AGBL1: variants seen among roughly 807,000 people sequenced by gnomAD.
The protein encoded by AGBL1 is AGBL carboxypeptidase 1.
AGBL1 carries 130 observed loss-of-function variants against 118.9 expected under a neutral mutation model. That is an observed-to-expected ratio of 1.09 (90% CI 0.95 to 1.26). The LOEUF (loss-of-function observed/expected upper bound fraction) is 1.26. Among genes scored for constraint, AGBL1 ranks in the 50% most tolerant of loss-of-function variants. The pLI, the probability that AGBL1 is intolerant of heterozygous loss-of-function variation, is 0.00. For synonymous variants in AGBL1, 555 were observed against 478.9 expected, an observed-to-expected ratio of 1.16 and a Z score of -2.08; for missense variants, 1,584 against 1,298.1, an observed-to-expected ratio of 1.22 and a Z score of -3.38.
At chr15:86,842,242 C>T (rs1328605537) in intron 22 of AGBL1, among the ~76,000 whole-genome samples, 1 of 151,160 alleles carries the variant, frequency 6.6e-6, no homozygotes, top group Non-Finnish European at 1.5e-5. Context: ...AGTGCAACTT[C>T]ACCTGCCTTG....
intron 18 of AGBL1, among the ~76,000 whole-genome samples, chr15:86,407,462 T>C (rs1169901565): frequency 6.6e-6 from 1 of 152,170 alleles, no homozygotes; most frequent in African/African-American, 2.4e-5. Flanking sequence ...AAGTGCCCAA[T>C]ATATGTCTTG....
At chr15:86,962,642 T>C (rs1216290015) in intron 23 of AGBL1, among the ~76,000 whole-genome samples, 1 of 152,038 alleles carries the variant, frequency 6.6e-6, no homozygotes, top group Non-Finnish European at 1.5e-5. Context: ...GAATATAAGA[T>C]TTACACCAGA....
At chr15:86,625,602 A>C (rs1428976000) in intron 21 of AGBL1, among the ~76,000 whole-genome samples, 3 of 151,984 alleles carry the variant, frequency 2.0e-5, no homozygotes, top group South Asian at 4.2e-4. Context: ...AATATATTTG[A>C]ATAAGTCTCA....
intron 22 of AGBL1, among the ~76,000 whole-genome samples, chr15:86,719,846 T>A (rs1050213487): frequency 2.0e-5 from 3 of 152,188 alleles, no homozygotes; most frequent in African/African-American, 7.2e-5. Context: ...TTTAGCAAGG[T>A]GGGAGGATGA....
intron 6 of AGBL1, among the ~76,000 whole-genome samples, chr15:86,244,513 G>A (rs2141984591): frequency 6.8e-6 from 1 of 146,048 alleles, no homozygotes; most frequent in Non-Finnish European, 1.5e-5. Flanking sequence ...AAGATTGACG[G>A]GTGTAGGGTC....
intron 19 of AGBL1, among the ~76,000 whole-genome samples, chr15:86,545,358 C>A (rs751514536): frequency 6.6e-6 from 1 of 152,152 alleles, no homozygotes; most frequent in Admixed American, 6.6e-5. Flanking sequence ...GTATATTTCA[C>A]CAATTCCCTT....
chr15:86,547,703 C>T (rs925159122), intron 20 of AGBL1, among the ~76,000 whole-genome samples: 1 of 152,102 alleles, frequency 6.6e-6, no homozygotes, highest in Non-Finnish European at 1.5e-5. Context: ...AAAGATTAAT[C>T]CATCTAGACA....
At chr15:86,758,335 A>G (rs572975126) in intron 22 of AGBL1, among the ~76,000 whole-genome samples, 2 of 152,052 alleles carry the variant, frequency 1.3e-5, no homozygotes, top group East Asian at 1.9e-4. Flanking sequence ...TCTACTCATT[A>G]TCTTAATTGA....
In AGBL1 at chr15:86,912,326, G is replaced by C. The variant is rs1567236444; in HGVS notation, c.*5032G>C. On this transcript the variant is annotated 3_prime_UTR_variant, in exon 23 of 23. Transcript: ENST00000614907. ...TGCTTAGAGTGGTGATAATGGAGGG[G>C]TGGCATCTCCAAGGGTTCCCAGGAG... 1 of 152,146 alleles carries C rather than the reference G, an allele frequency of 6.6e-6. No homozygotes were observed. Among genetic ancestry groups the C allele is most frequent in the Non-Finnish European group, 1.5e-5 (1 of 68,054 alleles). 9.4% of individuals were successfully genotyped at this position (152,146 alleles called of 1,614,324 possible).
At chr15:86,928,812 A>T (rs1166295003) in intron 23 of AGBL1, among the ~76,000 whole-genome samples, 1 of 152,174 alleles carries the variant, frequency 6.6e-6, no homozygotes, top group East Asian at 1.9e-4. Context: ...TTTATTTTAC[A>T]TGTGAGGTTG....
At chr15:86,793,991 C>T (rs1179885622) in intron 22 of AGBL1, among the ~76,000 whole-genome samples, 1 of 152,152 alleles carries the variant, frequency 6.6e-6, no homozygotes, top group Non-Finnish European at 1.5e-5. Flanking sequence ...AAACTTAATA[C>T]ATTGCTGGTG....
At chr15:86,616,277 C>T (rs1456688561) in intron 21 of AGBL1, among the ~76,000 whole-genome samples, 2 of 148,338 alleles carry the variant, frequency 1.3e-5, no homozygotes, top group African/African-American at 5.0e-5. Flanking sequence ...GCAGAGGTAG[C>T]AATGAGCCGA....
At chr15:86,150,128 G>T (rs939543145) in intron 3 of AGBL1, among the ~76,000 whole-genome samples, 1 of 152,194 alleles carries the variant, frequency 6.6e-6, no homozygotes, top group African/African-American at 2.4e-5. Context: ...ATTTAAAGCA[G>T]TCTGTAGAGG....
intron 5 of AGBL1, among the ~76,000 whole-genome samples, chr15:86,192,324 AAT>A (rs2077736673): frequency 6.7e-6 from 1 of 150,044 alleles, no homozygotes; most frequent in Non-Finnish European, 1.5e-5. Flanking sequence ...TATTTATATA[AAT>A]ATATTACAGA....
At chr15:87,012,875 A>T (rs2141784810) in intron 24 of AGBL1, among the ~76,000 whole-genome samples, 1 of 152,240 alleles carries the variant, frequency 6.6e-6, no homozygotes, top group South Asian at 2.1e-4. Flanking sequence ...CATCTCAAAA[A>T]ATTCTTTCCA....
chr15:86,695,130 C>T (rs1052128872), intron 22 of AGBL1, among the ~76,000 whole-genome samples: 1 of 151,912 alleles, frequency 6.6e-6, no homozygotes, highest in Admixed American at 6.6e-5. Flanking sequence ...GGAGGATTTC[C>T]TCTTTCTCTA....
At chr15:86,396,223 A>ATG (rs1278356872) in intron 17 of AGBL1, among the ~76,000 whole-genome samples, 3 of 129,370 alleles carry the variant, frequency 2.3e-5, no homozygotes, top group Admixed American at 8.3e-5. Context: ...GTGTGTATAT[A>ATG]TATGTGTGTG....
intron 17 of AGBL1, among the ~76,000 whole-genome samples, chr15:86,333,158 A>G (rs1261922431): frequency 6.6e-6 from 1 of 152,208 alleles, no homozygotes; most frequent in Non-Finnish European, 1.5e-5. Context: ...ATCTAATCCC[A>G]AAGCTAGCTG....
chr15:86,422,347 A>G (rs1186821751), intron 18 of AGBL1, among the ~76,000 whole-genome samples: 2 of 152,204 alleles, frequency 1.3e-5, no homozygotes, highest in East Asian at 1.9e-4. Flanking sequence ...CTGAATGACT[A>G]CTGGGTAAAT....
Sources: gnomAD v4.1 joint callset for allele counts (sites outside exome capture counted in the v4.1 genomes callset) on GRCh38, gnomAD v4.1.1 for gene constraint, MANE v1.5 for transcripts, NCBI Gene and HGNC (gene_info 2026-07-23, HGNC 2026-07-21) for gene names.